The following LRRTM4 variants were observed in gnomAD, a reference collection of about 807,000 sequenced individuals.
LRRTM4 encodes the protein leucine-rich repeat transmembrane neuronal protein 4.
A neutral mutation model predicts 47.6 loss-of-function variants in LRRTM4; 25 were observed. That is an observed-to-expected ratio of 0.53 (90% CI 0.38 to 0.73). The LOEUF (loss-of-function observed/expected upper bound fraction) is 0.73, where lower values mean the gene tolerates loss of function less well. LRRTM4 is among the 30% of genes least tolerant of loss of function. The pLI is 0.00. For missense variants in LRRTM4, 638 were observed against 713.4 expected (o/e 0.89, Z 1.20); for synonymous variants, 311 against 269.5 (o/e 1.15, Z -1.51).
chr2:77,043,702 G>A (rs1328328689), intron 3 of LRRTM4, among the ~76,000 whole-genome samples: 1 of 151,718 alleles, frequency 6.6e-6, no homozygotes, highest in Admixed American at 6.6e-5. Context: ...ACTTTATGAA[G>A]GATGATGAAT....
intron 3 of LRRTM4, among the ~76,000 whole-genome samples, chr2:77,079,590 T>G (rs942322060): frequency 1.3e-5 from 2 of 152,216 alleles, no homozygotes; most frequent in Admixed American, 1.3e-4. Context: ...AAGACCATTC[T>G]TCTTCCATTT....
At chr2:77,369,165 C>CT (rs1672564699) in intron 3 of LRRTM4, among the ~76,000 whole-genome samples, 1 of 151,642 alleles carries the variant, frequency 6.6e-6, no homozygotes, top group Admixed American at 6.6e-5. Context: ...TATCCAAATT[C>CT]TTACTTCATT....
intron 3 of LRRTM4, among the ~76,000 whole-genome samples, chr2:77,457,002 GTGTATATATATATATATATATATA>G (rs1369968016): frequency 7.9e-5 from 1 of 12,590 alleles, no homozygotes; most frequent in Non-Finnish European, 1.6e-4. Context: ...ATGTGTGTGT[GTGTATATATATATATATATATATA>G]TATATATATA....
intron 3 of LRRTM4, among the ~76,000 whole-genome samples, chr2:77,374,148 T>C (rs1481051332): frequency 7.3e-5 from 11 of 151,652 alleles, no homozygotes; most frequent in African/African-American, 2.4e-4. Context: ...GTCAAGAGTA[T>C]AGGAAGATGC....
intron 3 of LRRTM4, among the ~76,000 whole-genome samples, chr2:77,005,374 A>G (rs1468454671): frequency 6.6e-6 from 1 of 152,088 alleles, no homozygotes; most frequent in Non-Finnish European, 1.5e-5. Flanking sequence ...TGAACTCTTG[A>G]CCTTGTAATC....
At chr2:76,880,604 T>C (rs1157849561) in intron 3 of LRRTM4, among the ~76,000 whole-genome samples, 2 of 152,184 alleles carry the variant, frequency 1.3e-5, no homozygotes, top group South Asian at 2.1e-4. Flanking sequence ...CCACAGTACT[T>C]CAAGGTATGC....
chr2:76,949,827 G>A (rs1442230817), intron 3 of LRRTM4, among the ~76,000 whole-genome samples: 1 of 151,886 alleles, frequency 6.6e-6, no homozygotes, highest in African/African-American at 2.4e-5. Context: ...AGAAAACACA[G>A]AAAATGCAAT....
At chr2:77,275,816 T>C (rs1676330259) in intron 3 of LRRTM4, among the ~76,000 whole-genome samples, 1 of 151,930 alleles carries the variant, frequency 6.6e-6, no homozygotes, top group African/African-American at 2.4e-5. Context: ...ATAAATAATA[T>C]AGATAAGGAA....
intron 3 of LRRTM4, among the ~76,000 whole-genome samples, chr2:77,026,452 C>G (rs1430580352): frequency 6.6e-6 from 1 of 152,066 alleles, no homozygotes; most frequent in African/African-American, 2.4e-5. Context: ...GTGGTTGTCT[C>G]ATATATGCAC....
intron 3 of LRRTM4, among the ~76,000 whole-genome samples, chr2:77,513,499 TTGAC>T (rs1358562511): frequency 6.6e-6 from 1 of 152,144 alleles, no homozygotes; most frequent in Admixed American, 6.6e-5. Context: ...AAATACAGAC[TTGAC>T]TATGTTAAAT....
Position 77,109,907 on chromosome 2 carries a change from A to C in LRRTM4, c.1552-360991T>G, listed in dbSNP as rs192300979. On this transcript the variant is annotated intron_variant, in intron 3 of 3. Transcript: ENST00000409884. ...GTCTTAAAGAACAGAAGACAAATAA[A>C]TTGAAAGACAGATGTGAATAAATTA... Among the ~76,000 whole-genome samples, 880 of 152,214 alleles carry C rather than the reference A, an allele frequency of 5.8e-3. 10 individuals are homozygous for C. The highest frequency in any genetic ancestry group is 0.02 in the African/African-American group (842 of 41,556).
chr2:76,909,799 T>C (rs377656753), intron 3 of LRRTM4, among the ~76,000 whole-genome samples: 5 of 152,070 alleles, frequency 3.3e-5, no homozygotes, highest in African/African-American at 7.3e-5. Flanking sequence ...CAGTGAGATA[T>C]CATCTCACAC....
At chr2:76,934,922 G>GA (rs1674890898) in intron 3 of LRRTM4, among the ~76,000 whole-genome samples, 2 of 151,686 alleles carry the variant, frequency 1.3e-5, no homozygotes, top group South Asian at 4.1e-4. Flanking sequence ...TAAAACTTTG[G>GA]AAAGTACTTA....
chr2:77,098,339 G>A (rs1451543640), intron 3 of LRRTM4, among the ~76,000 whole-genome samples: 1 of 151,920 alleles, frequency 6.6e-6, no homozygotes, highest in African/African-American at 2.4e-5. Context: ...ACTGATAGTC[G>A]ATAAAAATAG....
chr2:77,099,626 A>ATGT (rs59343156), intron 3 of LRRTM4, among the ~76,000 whole-genome samples: 60,354 of 151,184 alleles, frequency 0.4, 13,531 homozygotes, highest in East Asian at 0.69. Flanking sequence ...GGATAGATGA[A>ATGT]TGTTATTTAT....
intron 3 of LRRTM4, among the ~76,000 whole-genome samples, chr2:77,313,623 C>A (rs1476932012): frequency 6.6e-6 from 1 of 152,156 alleles, no homozygotes; most frequent in East Asian, 1.9e-4. Flanking sequence ...TATTTGTTTT[C>A]ATCTGCTTTG....
intron 3 of LRRTM4, among the ~76,000 whole-genome samples, chr2:77,024,994 T>A (rs1678405729): frequency 6.6e-6 from 1 of 152,228 alleles, no homozygotes; most frequent in Non-Finnish European, 1.5e-5. Context: ...AATCTTGATC[T>A]ATATTTTTGT....
intron 3 of LRRTM4, among the ~76,000 whole-genome samples, chr2:77,143,312 T>G (rs997876295): frequency 1.3e-5 from 2 of 152,184 alleles, no homozygotes; most frequent in Non-Finnish European, 2.9e-5. Flanking sequence ...GGGGCAGTTA[T>G]TATTTGAAGT....
intron 3 of LRRTM4, among the ~76,000 whole-genome samples, chr2:77,068,081 A>G (rs1680020802): frequency 6.6e-6 from 1 of 152,196 alleles, no homozygotes; most frequent in Non-Finnish European, 1.5e-5. Flanking sequence ...GAGGTGATAT[A>G]TGGACAAGAG....
Sources: allele counts gnomAD v4.1 joint callset (sites outside exome capture counted in the v4.1 genomes callset), GRCh38; gene constraint gnomAD v4.1.1; transcripts MANE v1.5; gene names NCBI Gene and HGNC (gene_info 2026-07-23, HGNC 2026-07-21).